PPFIA2: variants seen among roughly 807,000 people sequenced by gnomAD.
PPFIA2 encodes the protein liprin-alpha-2.
In PPFIA2, 46 loss-of-function variants were observed where a neutral mutation model predicts 175.5. That is an observed-to-expected ratio of 0.26 (90% CI 0.21 to 0.34). The LOEUF is 0.34. Ranked by LOEUF, PPFIA2 falls within the 10% of genes least tolerant of loss-of-function variation. The pLI is 1.00. For missense variants in PPFIA2, 1,179 were observed against 1,506.1 expected (o/e 0.78, Z 3.60); for synonymous variants, 568 against 511.4 (o/e 1.11, Z -1.49).
chr12:81,433,600 T>C (rs1482280516), intron 7 of PPFIA2, among the ~76,000 whole-genome samples: 1 of 152,208 alleles, frequency 6.6e-6, no homozygotes, highest in Non-Finnish European at 1.5e-5. Flanking sequence ...AACAACTTGT[T>C]CATTTGATAC....
chr12:81,280,435 A>AAT, intron 27 of PPFIA2, among the ~76,000 whole-genome samples: 1 of 152,262 alleles, frequency 6.6e-6, no homozygotes, highest in Non-Finnish European at 1.5e-5. Flanking sequence ...TTATGTCATC[A>AAT]ACATATCTAA....
intron 3 of PPFIA2, among the ~76,000 whole-genome samples, chr12:81,721,287 T>C (rs977375014): frequency 6.6e-6 from 1 of 151,324 alleles, no homozygotes; most frequent in Non-Finnish European, 1.5e-5. Context: ...GGTTCTACTC[T>C]CTAGGACTAT....
intron 4 of PPFIA2, among the ~76,000 whole-genome samples, chr12:81,505,322 G>T (rs2061037030): frequency 6.6e-6 from 1 of 150,610 alleles, no homozygotes; most frequent in African/African-American, 2.4e-5. Context: ...CTACTCAAAA[G>T]AATGCTGAAA....
chr12:81,706,900 G>C (rs1240901071), intron 3 of PPFIA2, among the ~76,000 whole-genome samples: 1 of 152,110 alleles, frequency 6.6e-6, no homozygotes, highest in Non-Finnish European at 1.5e-5. Flanking sequence ...TGACAAACTT[G>C]AGAAAAACAA....
chr12:81,575,917 A>G (rs2073445867), intron 4 of PPFIA2, among the ~76,000 whole-genome samples: 1 of 151,878 alleles, frequency 6.6e-6, no homozygotes, highest in Middle Eastern at 3.4e-3. Context: ...CTGCCATTTT[A>G]AGCATGTGCT....
Position 81,366,413 on chromosome 12 carries a change from C to T in PPFIA2, c.1545+695G>A, listed in dbSNP as rs1157299568. 3.3e-5 allele frequency among the ~76,000 whole-genome samples: 5 copies of T among 151,612 alleles called. No individual in the cohort carries two copies. In the Admixed American group the frequency reaches 3.3e-4, roughly 10 times the overall value. On this transcript the variant is annotated intron_variant, in intron 14 of 32. Transcript: ENST00000549396. ...ACCCATCCCCTCACCCCACCAAGCACCTGTGATCATGCCACATGCACTATG... is the reference window on the plus strand; with the variant it reads ...ACCCATCCCCTCACCCCACCAAGCATCTGTGATCATGCCACATGCACTATG...
chr12:81,645,508 G>GT (rs2065938471), intron 4 of PPFIA2, among the ~76,000 whole-genome samples: 1 of 152,222 alleles, frequency 6.6e-6, no homozygotes, highest in African/African-American at 2.4e-5. Flanking sequence ...TACTTCGGAT[G>GT]TAAAAAGTGT....
intron 28 of PPFIA2, among the ~76,000 whole-genome samples, chr12:81,274,635 C>T (rs997811864): frequency 2.0e-5 from 3 of 152,010 alleles, no homozygotes; most frequent in Non-Finnish European, 4.4e-5. Flanking sequence ...GGCTAGAAAT[C>T]AGTGTTGACT....
chr12:81,755,941 A>G lies in PPFIA2; in HGVS notation c.-2-1718T>C, dbSNP rs182736515. Among the ~76,000 whole-genome samples, 300 of 152,248 alleles carry G rather than the reference A, an allele frequency of 2.0e-3. 1 individual carries two copies. The highest frequency in any genetic ancestry group is 7.0e-3 in the African/African-American group (289 of 41,564). On this transcript the variant is annotated intron_variant, in intron 2 of 32. Transcript: ENST00000549396. ...TGTTTCTTGCATTTATCTCAATTTG[A>G]TTTTCATTCAAAGACTATCACAAAG...
intron 19 of PPFIA2, among the ~76,000 whole-genome samples, chr12:81,343,340 T>C (rs188716235): frequency 2.0e-5 from 3 of 152,170 alleles, no homozygotes; most frequent in Admixed American, 1.3e-4. Context: ...TAAACTTATA[T>C]AGTCTTTTTA....
intron 4 of PPFIA2, among the ~76,000 whole-genome samples, chr12:81,492,452 T>A (rs2059523264): frequency 6.6e-6 from 1 of 151,656 alleles, no homozygotes; most frequent in Non-Finnish European, 1.5e-5. Flanking sequence ...AAATACAGAG[T>A]GTGTTACATG....
chr12:81,531,716 C>T (rs1035188472), intron 4 of PPFIA2, among the ~76,000 whole-genome samples: 35 of 151,070 alleles, frequency 2.3e-4, no homozygotes, highest in African/African-American at 8.5e-4. Context: ...AGATTTTCTT[C>T]TAAAGGTAAT....
At chr12:81,394,271 A>T (rs2040680984) in intron 8 of PPFIA2, among the ~76,000 whole-genome samples, 1 of 151,972 alleles carries the variant, frequency 6.6e-6, no homozygotes, top group South Asian at 2.1e-4. Flanking sequence ...ACTTACTGTT[A>T]CTTGGATTAC....
intron 4 of PPFIA2, among the ~76,000 whole-genome samples, chr12:81,582,417 A>C (rs908785366): frequency 6.6e-6 from 1 of 151,842 alleles, no homozygotes; most frequent in Non-Finnish European, 1.5e-5. Context: ...AAAATGTAAT[A>C]TACTAACTGG....
At chr12:81,579,589 G>A (rs1227098689) in intron 4 of PPFIA2, among the ~76,000 whole-genome samples, 2 of 151,798 alleles carry the variant, frequency 1.3e-5, no homozygotes. Context: ...GAAAAAAGTA[G>A]TTTGGTATCC....
At chr12:81,677,211 A>C (rs1014054711) in intron 3 of PPFIA2, among the ~76,000 whole-genome samples, 1 of 151,382 alleles carries the variant, frequency 6.6e-6, no homozygotes, top group Non-Finnish European at 1.5e-5. Context: ...AAAATATTTA[A>C]TTTTTTTTTA....
chr12:81,426,479 G>A (rs967298373), intron 7 of PPFIA2, among the ~76,000 whole-genome samples: 1 of 152,156 alleles, frequency 6.6e-6, no homozygotes, highest in Non-Finnish European at 1.5e-5. Context: ...AGTGAGGGAG[G>A]TCCTATGGAG....
intron 4 of PPFIA2, among the ~76,000 whole-genome samples, chr12:81,541,205 G>C (rs2153341574): frequency 6.6e-6 from 1 of 152,080 alleles, no homozygotes; most frequent in Admixed American, 6.6e-5. Context: ...CACAGAATCA[G>C]TTAGGCTGTT....
At chr12:81,460,202 T>C (rs1165415449) in intron 4 of PPFIA2, among the ~76,000 whole-genome samples, 1 of 152,086 alleles carries the variant, frequency 6.6e-6, no homozygotes, top group East Asian at 1.9e-4. Flanking sequence ...AATTGAATCA[T>C]GGGAGCAGTT....
Sources: allele counts gnomAD v4.1 joint callset (sites outside exome capture counted in the v4.1 genomes callset), GRCh38; gene constraint gnomAD v4.1.1; transcripts MANE v1.5; gene names NCBI Gene and HGNC (gene_info 2026-07-23, HGNC 2026-07-21).